NRCAM: variants seen among roughly 807,000 people sequenced by gnomAD.
NRCAM encodes the protein NgCAM-related cell adhesion molecule.
Under a neutral mutation model 156.5 loss-of-function variants are expected in NRCAM, and 83 were observed. The ratio of observed to expected loss-of-function variants is 0.53; its 90% CI spans 0.44 to 0.64. The LOEUF (loss-of-function observed/expected upper bound fraction) is 0.64. Ranked by LOEUF, NRCAM falls within the 30% of genes least tolerant of loss-of-function variation. NRCAM has a pLI of 0.00. For synonymous variants in NRCAM, 538 were observed against 563.9 expected (o/e 0.95, Z 0.65); for missense variants, 1,417 against 1,597.3 (o/e 0.89, Z 1.92).
intron 1 of NRCAM, among the ~76,000 whole-genome samples, chr7:108,437,127 G>T (rs1833157198): frequency 6.6e-6 from 1 of 152,156 alleles, no homozygotes; most frequent in African/African-American, 2.4e-5. Context: ...AACATGGGTG[G>T]AACTGAAGGT....
Position 108,232,541 on chromosome 7 carries a change from G to A in NRCAM, c.231-19C>T. 6.3e-7 allele frequency: 1 copy of A among 1,582,094 alleles called. No homozygotes were observed. The highest frequency in any genetic ancestry group is 8.6e-7 in the Non-Finnish European group (1 of 1,163,842). Reference sequence around the variant, plus strand: ...GGAAAAGCTGCCCAACACACGAAGTGTTAAGTGTATTAATGGTCCAGAAAA... The same window carrying A: ...GGAAAAGCTGCCCAACACACGAAGTATTAAGTGTATTAATGGTCCAGAAAA... On this transcript the variant is annotated intron_variant, in intron 6 of 32. Transcript: ENST00000379028.
At chr7:108,163,126 C>T (rs1257208142) in intron 30 of NRCAM, among the ~76,000 whole-genome samples, 5 of 151,826 alleles carry the variant, frequency 3.3e-5, no homozygotes, top group South Asian at 2.1e-4. Flanking sequence ...GGCTGGGTAG[C>T]GGAGTAAAAG....
At chr7:108,230,639 G>A (rs1350843517) in intron 8 of NRCAM, among the ~76,000 whole-genome samples, 1 of 151,910 alleles carries the variant, frequency 6.6e-6, no homozygotes, top group African/African-American at 2.4e-5. Context: ...CTTCCTTAGG[G>A]GCTAGCACTA....
intron 4 of NRCAM, among the ~76,000 whole-genome samples, chr7:108,238,036 C>T (rs2095249534): frequency 6.6e-6 from 1 of 152,164 alleles, no homozygotes; most frequent in African/African-American, 2.4e-5. Flanking sequence ...CGAGTTCTTC[C>T]AGGAATAGGA....
intron 3 of NRCAM, among the ~76,000 whole-genome samples, chr7:108,311,839 T>C (rs138734634): frequency 1.7e-3 from 252 of 152,338 alleles, no homozygotes; most frequent in Middle Eastern, 3.4e-3. Flanking sequence ...GTATACAATC[T>C]TCTTTCCTTA....
At chr7:108,439,994 C>T (rs190428496) in intron 1 of NRCAM, among the ~76,000 whole-genome samples, 6 of 152,168 alleles carry the variant, frequency 3.9e-5, no homozygotes, top group African/African-American at 1.4e-4. Context: ...ATATACCATA[C>T]AAGCCAGCAA....
At chr7:108,154,655 T>C (rs1433986348) in intron 32 of NRCAM, among the ~76,000 whole-genome samples, 1 of 152,172 alleles carries the variant, frequency 6.6e-6, no homozygotes, top group Non-Finnish European at 1.5e-5. Context: ...GTGAGATCTT[T>C]TGAAGACCAG....
chr7:108,437,155 T>A (rs1833186302), intron 1 of NRCAM, among the ~76,000 whole-genome samples: 1 of 152,150 alleles, frequency 6.6e-6, no homozygotes, highest in Non-Finnish European at 1.5e-5. Context: ...TTAAGTGAAA[T>A]CAGCCAGGCG....
At chr7:108,320,550 C>CA (rs895875949) in intron 2 of NRCAM, among the ~76,000 whole-genome samples, 2,241 of 138,720 alleles carry the variant, frequency 0.016, 21 homozygotes, top group Middle Eastern at 0.059. Flanking sequence ...GCAAGACTGT[C>CA]AAAAAAAAAA....
chr7:108,226,474 C>G, intron 8 of NRCAM, 96 bp from the exon 9 acceptor site: 3 of 745,558 alleles, frequency 4.0e-6, no homozygotes, highest in Non-Finnish European at 6.5e-6. Context: ...GGTCTGTGAA[C>G]TTCATTTGAA....
intron 1 of NRCAM, among the ~76,000 whole-genome samples, chr7:108,453,410 T>C (rs1481721961): frequency 6.6e-6 from 1 of 152,102 alleles, no homozygotes; most frequent in African/African-American, 2.4e-5. Context: ...TTGCCATCAT[T>C]GTTGTATTGG....
At chr7:108,204,451 G>C (rs937250588) in intron 13 of NRCAM, among the ~76,000 whole-genome samples, 3 of 152,208 alleles carry the variant, frequency 2.0e-5, no homozygotes, top group African/African-American at 7.2e-5. Flanking sequence ...AGGCCCCGCT[G>C]GCTCATCATC....
chr7:108,235,107 G>A (rs1457112190), intron 5 of NRCAM, among the ~76,000 whole-genome samples: 1 of 152,142 alleles, frequency 6.6e-6, no homozygotes, highest in Non-Finnish European at 1.5e-5. Context: ...TAGGTCATTA[G>A]TGTGTGCTCA....
chr7:108,334,767 C>T (rs968906351), intron 2 of NRCAM, among the ~76,000 whole-genome samples: 3 of 151,996 alleles, frequency 2.0e-5, no homozygotes, highest in Non-Finnish European at 4.4e-5. Flanking sequence ...CAAACATCAC[C>T]CTCCCACTTG....
At chr7:108,318,020 A>G (rs1346230451) in intron 2 of NRCAM, among the ~76,000 whole-genome samples, 2 of 139,868 alleles carry the variant, frequency 1.4e-5, no homozygotes, top group African/African-American at 5.2e-5. Flanking sequence ...TTTAGGAGGG[A>G]CCTGGAAATT....
chr7:108,413,233 T>C (rs928216008), intron 1 of NRCAM, among the ~76,000 whole-genome samples: 1 of 152,228 alleles, frequency 6.6e-6, no homozygotes, highest in Non-Finnish European at 1.5e-5. Flanking sequence ...CTAACAGGTG[T>C]GAGGTGATAT....
At chr7:108,394,431 AAAAG>A (rs1473843617) in intron 2 of NRCAM, among the ~76,000 whole-genome samples, 9 of 152,308 alleles carry the variant, frequency 5.9e-5, no homozygotes, top group African/African-American at 1.9e-4. Context: ...CTGAGGGGAG[AAAAG>A]AACTTCAAAT....
intron 2 of NRCAM, among the ~76,000 whole-genome samples, chr7:108,361,985 T>C (rs2099555052): frequency 1.3e-5 from 2 of 152,122 alleles, no homozygotes; most frequent in South Asian, 4.1e-4. Context: ...AAAACGTATG[T>C]CAACATAAAA....
chr7:108,261,382 T>G (rs1023948392), intron 3 of NRCAM, among the ~76,000 whole-genome samples: 1 of 152,334 alleles, frequency 6.6e-6, no homozygotes, highest in African/African-American at 2.4e-5. Context: ...GTAGATAGTA[T>G]AGCTCTCTTT....
Sources: allele counts gnomAD v4.1 joint callset (sites outside exome capture counted in the v4.1 genomes callset), GRCh38; gene constraint gnomAD v4.1.1; transcripts MANE v1.5; gene names NCBI Gene and HGNC (gene_info 2026-07-23, HGNC 2026-07-21).